MAFK: variants seen among roughly 807,000 people sequenced by gnomAD.
MAFK encodes the protein MAF bZIP transcription factor K, also known as transcription factor MafK.
Under a neutral mutation model 9.2 loss-of-function variants are expected in MAFK, and 1 was observed. The ratio of observed to expected loss-of-function variants is 0.11; its 90% CI spans 0.04 to 0.52. MAFK has a LOEUF of 0.52. Ranked by LOEUF, MAFK falls within the 20% of genes least tolerant of loss-of-function variation. The pLI, the probability that MAFK is intolerant of heterozygous loss-of-function variation, is 0.94. For synonymous variants in MAFK, 110 were observed against 107.4 expected (o/e 1.02, Z -0.15); for missense variants, 207 against 236.0 (o/e 0.88, Z 0.81).
rs1196141271 is a variant in MAFK, at chr7:1,534,208, CAGTG to C, written c.-45+3311_-45+3314del. The stretch of plus-strand genomic sequence containing the variant: ...TGGGGCTGTGTCCGGGACAGCCGGA[CAGTG>C]GGGGCCCTCGCAGTGTAGGACCTCA... On this transcript the variant is annotated intron_variant, in intron 1 of 2. Transcript: ENST00000343242. The surrounding 1 kb of genome is among the most constrained non-coding windows in gnomAD (Gnocchi z 4.3). 4 of 454,708 alleles carry C rather than the reference CAGTG, an allele frequency of 8.8e-6. No individual in the cohort carries two copies. In the East Asian group the frequency reaches 2.1e-4, roughly 24 times the overall value. 28.2% of individuals were successfully genotyped at this position (454,708 alleles called of 1,614,324 possible).
Position 1,540,480 on chromosome 7 carries a change from CA to C in MAFK, c.*107del. ...GATGCAGACTCTCGACATCCGAGTC[CA>C]AGCGCAGGCCCCTCGGGCGCAGGCA... is the stretch of plus-strand genomic sequence containing the variant. On this transcript the variant is annotated 3_prime_UTR_variant, in exon 3 of 3. Transcript: ENST00000343242. 1 of 1,146,420 alleles carries C rather than the reference CA, an allele frequency of 8.7e-7. No individual in the cohort carries two copies. The highest frequency in any genetic ancestry group is 1.2e-6 in the Non-Finnish European group (1 of 830,096). The allele number at this position is 1,146,420 out of a possible 1,614,324, so 71.0% of individuals were successfully genotyped here. A position where few individuals can be genotyped will look rare whatever the true frequency, so the allele number is the denominator to read the frequency against.
Position 1,539,935 on chromosome 7 carries a change from C to A in MAFK, c.37-6C>A. The A allele has an allele frequency of 6.6e-7, 1 of 1,519,688 alleles. No individual in the cohort carries two copies. Among genetic ancestry groups the A allele is most frequent in the Non-Finnish European group, 8.9e-7 (1 of 1,129,008 alleles). The allele number at this position is 1,519,688 out of a possible 1,614,324, so 94.1% of individuals were successfully genotyped here. ...CCGCCGCTGACCCCGCACTGTGGCC[C>A]CCCAGGTCAAGAAGGAGGCGGGCGA... On this transcript the variant is annotated splice_polypyrimidine_tract_variant and splice_region_variant and intron_variant, in intron 2 of 2. Transcript: ENST00000343242.
chr7:1,531,483 T>C (rs1583194703), intron 1 of MAFK, among the ~76,000 whole-genome samples: 1 of 152,022 alleles, frequency 6.6e-6, no homozygotes, highest in African/African-American at 2.4e-5. Flanking sequence ...ATCCTGGGAC[T>C]GGTGTCGCTC....
Position 1,542,831 on chromosome 7 carries a change from G to T in MAFK, c.*2456G>T, listed in dbSNP as rs542683052. 8.5e-5 allele frequency: 13 copies of T among 152,762 alleles called. No homozygotes were observed. The highest frequency in any genetic ancestry group is 2.9e-4 in the African/African-American group (12 of 41,582). 9.5% of individuals were successfully genotyped at this position (152,762 alleles called of 1,614,324 possible). On this transcript the variant is annotated 3_prime_UTR_variant, in exon 3 of 3. Coordinates refer to ENST00000343242, the MANE Select transcript of MAFK (RefSeq NM_002360.4). The stretch of plus-strand genomic sequence containing the variant: ...CACGCCGCCACACCGCCTCACCCTG[G>T]CTTCTGTGCTACTTGGCAGTTCCAT...
intron 1 of MAFK, among the ~76,000 whole-genome samples, chr7:1,536,888 G>C (rs973315105): frequency 6.6e-6 from 1 of 152,192 alleles, no homozygotes; most frequent in African/African-American, 2.4e-5. Flanking sequence ...GTCGTGACCT[G>C]CCCAAGGAGG....
intron 1 of MAFK, chr7:1,537,484 G>A (rs1206410233): frequency 1.3e-5 from 13 of 985,442 alleles, no homozygotes; most frequent in Non-Finnish European, 1.4e-5. Context: ...CCAGCCGCCG[G>A]CATTTGCAGG....
intron 1 of MAFK, among the ~76,000 whole-genome samples, chr7:1,533,753 A>G (rs1487221046): frequency 6.9e-6 from 1 of 145,142 alleles, no homozygotes; most frequent in East Asian, 2.0e-4. Context: ...AGGAAAAGAG[A>G]GAGGGGCAGG....
chr7:1,539,468 G>A (rs1028020171), intron 2 of MAFK, among the ~76,000 whole-genome samples: 3 of 152,142 alleles, frequency 2.0e-5, no homozygotes, highest in Non-Finnish European at 2.9e-5. Context: ...CTGCCTTCCC[G>A]CCTGGGCTGT....
rs1783985095 is a variant in MAFK at position 1,534,670 on chromosome 7, AG to A, written c.-45+3777del. Reference sequence around the variant, plus strand: ...CTTGGTCAGACTGGCTGGGCAGCTGAGGGGGTGGGGCATGGAGTCTGTGTCA... The same window carrying A: ...CTTGGTCAGACTGGCTGGGCAGCTGAGGGGTGGGGCATGGAGTCTGTGTCA... On this transcript the variant is annotated intron_variant, in intron 1 of 2. Transcript: ENST00000343242. This position sits in a 1 kb window ranked among gnomAD's most constrained non-coding sequence, Gnocchi z 4.3. The A allele has an allele frequency of 2.2e-6, 1 of 455,688 alleles. No individual in the cohort carries two copies. The highest frequency in any genetic ancestry group is 4.4e-6 in the Non-Finnish European group (1 of 226,704). 28.2% of individuals were successfully genotyped at this position (455,688 alleles called of 1,614,324 possible).
At chr7:1,539,378 G>A in intron 2 of MAFK, 150 bp downstream of exon 2, 1 of 649,438 alleles carries the variant, frequency 1.5e-6, no homozygotes, top group Non-Finnish European at 2.7e-6. Flanking sequence ...GCCGAGGGAT[G>A]TTCACAGGAG....
At chr7:1,536,953 C>T (rs750031579) in intron 1 of MAFK, among the ~76,000 whole-genome samples, 147 of 152,336 alleles carry the variant, frequency 9.6e-4, no homozygotes, top group Non-Finnish European at 1.9e-3. Context: ...CCTGCGTCCG[C>T]CAGGTCCTCA....
chr7:1,540,584 ACACAC>A lies in MAFK; in HGVS notation c.*210_*214del. The A allele has an allele frequency of 3.5e-6, 2 of 566,128 alleles. No homozygotes were observed. Among genetic ancestry groups the A allele is most frequent in the Admixed American group, 3.6e-5 (1 of 28,086 alleles). The allele number at this position is 566,128 out of a possible 1,614,324, so 35.1% of individuals were successfully genotyped here. ...CCCAGAGCTGCACGCCGGTCCACAGACACACTCACGCCCGCCACCTGCTCCCCGCA... is the reference window on the plus strand; with the variant it reads ...CCCAGAGCTGCACGCCGGTCCACAGATCACGCCCGCCACCTGCTCCCCGCA... On this transcript the variant is annotated 3_prime_UTR_variant, in exon 3 of 3. Coordinates refer to ENST00000343242, the MANE Select transcript of MAFK (RefSeq NM_002360.4).
chr7:1,531,158 C>T (rs1229114007), intron 1 of MAFK, among the ~76,000 whole-genome samples: 2 of 149,292 alleles, frequency 1.3e-5, no homozygotes, highest in East Asian at 3.9e-4. Context: ...CCGGGCCATG[C>T]TTGCCGCGCC....
Position 1,537,015 on chromosome 7 carries a change from G to A in MAFK, c.-44-2134G>A, listed in dbSNP as rs900709970. ...TGCCTCGAAGTACTGGGGTTGGAGC[G>A]GGGCACAGGCGTGCTTCAGTAGCCC... is the stretch of plus-strand genomic sequence containing the variant. On this transcript the variant is annotated intron_variant, in intron 1 of 2. Coordinates refer to ENST00000343242, the MANE Select transcript of MAFK (RefSeq NM_002360.4). 3.9e-5 allele frequency among the ~76,000 whole-genome samples: 6 copies of A among 152,354 alleles called. No homozygotes were observed. In the East Asian group the frequency reaches 5.8e-4, roughly 15 times the overall value.
intron 1 of MAFK, chr7:1,537,240 T>A: frequency 3.1e-6 from 1 of 324,656 alleles, no homozygotes; most frequent in Non-Finnish European, 4.4e-6. Context: ...CCCCGGACCT[T>A]CCTTTTCCGC....
chr7:1,536,035 T>C (rs1784019575), intron 1 of MAFK, among the ~76,000 whole-genome samples: 2 of 152,202 alleles, frequency 1.3e-5, no homozygotes, highest in African/African-American at 2.4e-5. Context: ...GGCCTTGGGT[T>C]GAAAACCCTG....
rs916351422 is a variant in MAFK, at chr7:1,534,478, C to T, written c.-45+3580C>T. On this transcript the variant is annotated intron_variant, in intron 1 of 2. Transcript: ENST00000343242. This position sits in a 1 kb window ranked among gnomAD's most constrained non-coding sequence, Gnocchi z 4.3. ...TGCACCTGCCGTGGGAGTCACTGGT[C>T]GGGGGGCGGGAGGGCGCTTGCTGCT... 9.1e-6 allele frequency: 4 copies of T among 437,636 alleles called. No individual in the cohort carries two copies. The highest frequency in any genetic ancestry group is 1.6e-5 in the South Asian group (1 of 62,804). The allele number at this position is 437,636 out of a possible 1,614,324, so 27.1% of individuals were successfully genotyped here. A position where few individuals can be genotyped will look rare whatever the true frequency, so the allele number is the denominator to read the frequency against.
rs894912680 is a variant in MAFK, at chr7:1,542,577, C to T, written c.*2202C>T. 5 of 152,276 alleles carry T rather than the reference C, an allele frequency of 3.3e-5. No individual in the cohort carries two copies. The highest frequency in any genetic ancestry group is 2.0e-4 in the Admixed American group (3 of 15,294). 9.4% of individuals were successfully genotyped at this position (152,276 alleles called of 1,614,324 possible). ...CCCTGGTCCCCAGGGTGGACGGAGCCGCTGTCACCGCCCAGAGCTGGGCCG... is the reference window on the plus strand; with the variant it reads ...CCCTGGTCCCCAGGGTGGACGGAGCTGCTGTCACCGCCCAGAGCTGGGCCG... On this transcript the variant is annotated 3_prime_UTR_variant, in exon 3 of 3. Coordinates refer to ENST00000343242, the MANE Select transcript of MAFK (RefSeq NM_002360.4).
chr7:1,534,648 G>T lies in MAFK; in HGVS notation c.-45+3750G>T. Reference sequence around the variant, plus strand: ...AGAAGTGGAAGGGCCACTCCGTCTTGGTCAGACTGGCTGGGCAGCTGAGGG... The same window carrying T: ...AGAAGTGGAAGGGCCACTCCGTCTTTGTCAGACTGGCTGGGCAGCTGAGGG... On this transcript the variant is annotated intron_variant, in intron 1 of 2. Coordinates refer to ENST00000343242, the MANE Select transcript of MAFK (RefSeq NM_002360.4). The surrounding 1 kb of genome is among the most constrained non-coding windows in gnomAD (Gnocchi z 4.3). 2.2e-6 allele frequency: 1 copy of T among 456,008 alleles called. No individual in the cohort carries two copies. 28.2% of individuals were successfully genotyped at this position (456,008 alleles called of 1,614,324 possible).
Sources: gnomAD v4.1 joint callset for allele counts (sites outside exome capture counted in the v4.1 genomes callset) on GRCh38, gnomAD v4.1.1 for gene constraint, Gnocchi (gnomAD v3.1) non-coding constraint, MANE v1.5 for transcripts, NCBI Gene and HGNC (gene_info 2026-07-23, HGNC 2026-07-21) for gene names.